UBE2W: variants seen among roughly 807,000 people sequenced by gnomAD.
UBE2W encodes ubiquitin-conjugating enzyme E2 W.
Under a neutral mutation model 27.2 loss-of-function variants are expected in UBE2W, and 18 were observed. The observed-to-expected ratio is 0.66, with a 90% CI of 0.46 to 0.98. UBE2W has a LOEUF of 0.98. Ranked by LOEUF, UBE2W falls within the 50% of genes least tolerant of loss-of-function variation. The pLI is 0.00. For synonymous variants in UBE2W, 53 were observed against 57.2 expected, an observed-to-expected ratio of 0.93 and a Z score of 0.33; for missense variants, 90 against 180.2, an observed-to-expected ratio of 0.50 and a Z score of 2.87.
At chr8:73,865,653 C>T (rs1370047876) in intron 1 of UBE2W, among the ~76,000 whole-genome samples, 3 of 152,162 alleles carry the variant, frequency 2.0e-5, no homozygotes, top group African/African-American at 7.2e-5. Context: ...ATTTTCTCTA[C>T]TAGAATCCTT....
At position 73,790,662 on chromosome 8, in the gene UBE2W, T is replaced by A; in HGVS notation, c.*3440A>T. ...AAAAATTTTTGTAACACACAGTACC[T>A]CCTCTTCTCTTCTATTTTTAGGAAG... On this transcript the variant is annotated 3_prime_UTR_variant, in exon 6 of 6. Transcript: ENST00000602593. The A allele has an allele frequency of 1.0e-6, 1 of 982,854 alleles. No individual in the cohort carries two copies. Among genetic ancestry groups the A allele is most frequent in the Non-Finnish European group, 1.2e-6 (1 of 827,570 alleles). The allele number at this position is 982,854 out of a possible 1,614,324, so 60.9% of individuals were successfully genotyped here.
chr8:73,825,728 G>A (rs796844244), intron 2 of UBE2W, among the ~76,000 whole-genome samples: 3 of 152,274 alleles, frequency 2.0e-5, no homozygotes, highest in African/African-American at 7.2e-5. Flanking sequence ...TTGAACCCGG[G>A]AGGCAGAGGT....
intron 5 of UBE2W, among the ~76,000 whole-genome samples, chr8:73,795,634 G>A (rs1808380167): frequency 6.6e-6 from 1 of 152,072 alleles, no homozygotes; most frequent in Admixed American, 6.5e-5. Flanking sequence ...TTCTAAGCTG[G>A]GCAAACTCAT....
chr8:73,843,947 C>T (rs1276203199), intron 1 of UBE2W, among the ~76,000 whole-genome samples: 1 of 152,018 alleles, frequency 6.6e-6, no homozygotes, highest in African/African-American at 2.4e-5. Context: ...CAAGACTGCG[C>T]AACTGCACTT....
chr8:73,814,885 G>A (rs1003869104), intron 3 of UBE2W, among the ~76,000 whole-genome samples: 5 of 152,178 alleles, frequency 3.3e-5, no homozygotes, highest in African/African-American at 1.2e-4. Flanking sequence ...TTATTCAAAA[G>A]CAAGTGAGAG....
intron 3 of UBE2W, among the ~76,000 whole-genome samples, chr8:73,818,385 G>T (rs1476430518): frequency 2.0e-5 from 3 of 152,112 alleles, no homozygotes; most frequent in Non-Finnish European, 2.9e-5. Flanking sequence ...TGATCTCCCT[G>T]CACCTTTATG....
At position 73,787,345 on chromosome 8, in the gene UBE2W, C is replaced by A. The variant is rs1171347768; in HGVS notation, c.*6757G>T. 4 of 985,056 alleles carry A rather than the reference C, an allele frequency of 4.1e-6. No individual in the cohort carries two copies. The highest frequency in any genetic ancestry group is 4.8e-6 in the Non-Finnish European group (4 of 829,724). The allele number at this position is 985,056 out of a possible 1,614,324, so 61.0% of individuals were successfully genotyped here. A position where few individuals can be genotyped will look rare whatever the true frequency, so the allele number is the denominator to read the frequency against. ...GTAAGAAATATAGGGAGGACATAAA[C>A]AGAGTCACTTATCCAGGGTAGCTTA... On this transcript the variant is annotated 3_prime_UTR_variant, in exon 6 of 6. Transcript: ENST00000602593.
chr8:73,838,560 T>C (rs1000895892), intron 1 of UBE2W, among the ~76,000 whole-genome samples: 4 of 152,144 alleles, frequency 2.6e-5, no homozygotes, highest in African/African-American at 9.7e-5. Flanking sequence ...CACAACAAAG[T>C]GAGACCACGT....
At chr8:73,847,498 C>T (rs1243419407) in intron 1 of UBE2W, among the ~76,000 whole-genome samples, 1 of 152,126 alleles carries the variant, frequency 6.6e-6, no homozygotes, top group Non-Finnish European at 1.5e-5. Context: ...AAGGTATACC[C>T]AGCATATACG....
Position 73,825,013 on chromosome 8 carries a change from T to C in UBE2W, c.210+134A>G, listed in dbSNP as rs563565879. ...GTGTAATGTTCATATCTTGATTATA[T>C]GACAAATAAGATAATGAAATAACAA... On this transcript the variant is annotated intron_variant, in intron 3 of 5. Coordinates refer to ENST00000602593, the MANE Select transcript of UBE2W (RefSeq NM_018299.6). The C allele has an allele frequency of 4.4e-4, 259 of 595,090 alleles. 2 individuals are homozygous for C. In the South Asian group the frequency reaches 5.9e-3, roughly 14 times the overall value. 36.9% of individuals were successfully genotyped at this position (595,090 alleles called of 1,614,324 possible). A position where few individuals can be genotyped will look rare whatever the true frequency, so the allele number is the denominator to read the frequency against.
intron 1 of UBE2W, among the ~76,000 whole-genome samples, chr8:73,850,808 A>T (rs1455987468): frequency 6.6e-6 from 1 of 150,872 alleles, no homozygotes; most frequent in Non-Finnish European, 1.5e-5. Flanking sequence ...AGCAATGTGA[A>T]TATTTTATAA....
In UBE2W at chr8:73,786,677, G is replaced by A. The variant is rs1156301293; in HGVS notation, c.*7425C>T. 1.0e-6 allele frequency: 1 copy of A among 985,338 alleles called. No homozygotes were observed. Among genetic ancestry groups the A allele is most frequent in the African/African-American group, 1.7e-5 (1 of 57,240 alleles). 61.0% of individuals were successfully genotyped at this position (985,338 alleles called of 1,614,324 possible). On this transcript the variant is annotated 3_prime_UTR_variant, in exon 6 of 6. Coordinates refer to ENST00000602593, the MANE Select transcript of UBE2W (RefSeq NM_018299.6). Reference sequence around the variant, plus strand: ...GCATTGCTACTGCTTATGAAACAAGGTTTGTGGACAGCTGAAGAGCAGCCT... The same window carrying A: ...GCATTGCTACTGCTTATGAAACAAGATTTGTGGACAGCTGAAGAGCAGCCT...
In UBE2W at chr8:73,791,539, T is replaced by G. The variant is rs1223659136; in HGVS notation, c.*2563A>C. 2.0e-6 allele frequency: 2 copies of G among 985,112 alleles called. No homozygotes were observed. Among genetic ancestry groups the G allele is most frequent in the Admixed American group, 6.2e-5 (1 of 16,250 alleles). 61.0% of individuals were successfully genotyped at this position (985,112 alleles called of 1,614,324 possible). A position where few individuals can be genotyped will look rare whatever the true frequency, so the allele number is the denominator to read the frequency against. ...ACATTTTCTTGATATTCTGGTTGTC[T>G]TTCAACAATGCATTACAGAGAAATA... On this transcript the variant is annotated 3_prime_UTR_variant, in exon 6 of 6. Coordinates refer to ENST00000602593, the MANE Select transcript of UBE2W (RefSeq NM_018299.6).
At chr8:73,804,780 G>A (rs1188861182) in intron 5 of UBE2W, among the ~76,000 whole-genome samples, 6 of 151,818 alleles carry the variant, frequency 4.0e-5, no homozygotes, top group Non-Finnish European at 8.8e-5. Context: ...ACCCAGGCTG[G>A]AGTAGAGTAG....
chr8:73,843,637 TAAAAG>T (rs1810638790), intron 1 of UBE2W, among the ~76,000 whole-genome samples: 1 of 151,550 alleles, frequency 6.6e-6, no homozygotes, highest in South Asian at 2.1e-4. Context: ...CCTGTCTCTT[TAAAAG>T]AAAAAAGAAA....
chr8:73,866,778 G>A (rs575038388), intron 1 of UBE2W, among the ~76,000 whole-genome samples: 4 of 151,992 alleles, frequency 2.6e-5, no homozygotes, highest in South Asian at 2.1e-4. Flanking sequence ...GGCTGGGCGC[G>A]GTGGCTCATG....
Position 73,786,844 on chromosome 8 carries a change from T to C in UBE2W, c.*7258A>G, listed in dbSNP as rs1807977186. On this transcript the variant is annotated 3_prime_UTR_variant, in exon 6 of 6. Coordinates refer to ENST00000602593, the MANE Select transcript of UBE2W (RefSeq NM_018299.6). ...GGACTACTGAGTATCATTGCTTGAT[T>C]AAGTTGGATGGGAATGTCATTAAAT... 1 of 985,326 alleles carries C rather than the reference T, an allele frequency of 1.0e-6. No homozygotes were observed. Among genetic ancestry groups the C allele is most frequent in the South Asian group, 4.7e-5 (1 of 21,290 alleles). 61.0% of individuals were successfully genotyped at this position (985,326 alleles called of 1,614,324 possible). A position where few individuals can be genotyped will look rare whatever the true frequency, so the allele number is the denominator to read the frequency against.
At chr8:73,799,238 C>A (rs985605052) in intron 5 of UBE2W, among the ~76,000 whole-genome samples, 1 of 151,826 alleles carries the variant, frequency 6.6e-6, no homozygotes, top group African/African-American at 2.4e-5. Context: ...TAAATAAGAA[C>A]CTCAAAAGAA....
chr8:73,805,454 C>CAAAAAAAAAAAAACAAACAAAAAAAA (rs1808835791), intron 5 of UBE2W, among the ~76,000 whole-genome samples, 197 bp downstream of exon 5: 1 of 14,582 alleles, frequency 6.9e-5, no homozygotes. Flanking sequence ...AACTCCATCT[C>CAAAAAAAAAAAAACAAACAAAAAAAA]AAAAAAAAAA....
Sources: allele counts gnomAD v4.1 joint callset (sites outside exome capture counted in the v4.1 genomes callset), GRCh38; gene constraint gnomAD v4.1.1; transcripts MANE v1.5; gene names NCBI Gene and HGNC (gene_info 2026-07-23, HGNC 2026-07-21).